Variants in UCHL3 observed in about 807,000 individuals in gnomAD.
The protein encoded by UCHL3 is ubiquitin carboxyl-terminal hydrolase isozyme L3.
A neutral mutation model predicts 35.8 loss-of-function variants in UCHL3; 22 were observed. That is an observed-to-expected ratio of 0.61 (90% CI 0.44 to 0.88). UCHL3 has a LOEUF of 0.88. Among genes scored for constraint, UCHL3 ranks in the 40% least tolerant of loss-of-function variants. The probability of loss-of-function intolerance (pLI) is 0.00; values close to 1 mark genes in which losing one functional copy is unlikely to be tolerated. For synonymous variants in UCHL3, 90 were observed against 92.8 expected (o/e 0.97, Z 0.17); for missense variants, 229 against 276.9 (o/e 0.83, Z 1.23).
chr13:75,590,538 T>A (rs905318710), intron 6 of UCHL3, among the ~76,000 whole-genome samples: 15 of 152,310 alleles, frequency 9.8e-5, no homozygotes, highest in African/African-American at 2.6e-4. Context: ...TATTATTATT[T>A]TTTTATGTTT....
chr13:75,587,182 A>G (rs1287695589), intron 6 of UCHL3, among the ~76,000 whole-genome samples: 1 of 152,038 alleles, frequency 6.6e-6, no homozygotes, highest in African/African-American at 2.4e-5. Flanking sequence ...AAAAGGAAGA[A>G]GTAAAGCAGT....
intron 3 of UCHL3, among the ~76,000 whole-genome samples, chr13:75,563,734 T>C (rs1295817266): frequency 6.6e-6 from 1 of 152,216 alleles, no homozygotes; most frequent in Non-Finnish European, 1.5e-5. Context: ...TCCTTTGACC[T>C]ACATCACATC....
chr13:75,572,168 A>AAT (rs1177739259), intron 6 of UCHL3, among the ~76,000 whole-genome samples: 8 of 151,972 alleles, frequency 5.3e-5, no homozygotes, highest in African/African-American at 7.3e-5. Context: ...TCTTTCTGAA[A>AAT]ATATTCTTTC....
At chr13:75,567,445 T>G in intron 5 of UCHL3, 133 bp downstream of exon 5, 1 of 735,078 alleles carries the variant, frequency 1.4e-6, no homozygotes, top group Non-Finnish European at 2.2e-6. Flanking sequence ...AGAAAAGCCT[T>G]TTGTACTTTT....
intron 2 of UCHL3, among the ~76,000 whole-genome samples, chr13:75,557,751 A>G (rs557402093): frequency 6.6e-6 from 1 of 152,310 alleles, no homozygotes; most frequent in African/African-American, 2.4e-5. Flanking sequence ...TATGTGTATC[A>G]GTTCTATAGA....
At chr13:75,581,685 CTTTG>C (rs1555275469) in intron 6 of UCHL3, among the ~76,000 whole-genome samples, 1 of 127,794 alleles carries the variant, frequency 7.8e-6, no homozygotes, top group Non-Finnish European at 1.8e-5. Context: ...AGACCCTCTG[CTTTG>C]TTTGATTTTT....
At chr13:75,600,353 C>G (rs1323303234) in intron 7 of UCHL3, among the ~76,000 whole-genome samples, 1 of 152,210 alleles carries the variant, frequency 6.6e-6, no homozygotes, top group East Asian at 1.9e-4. Context: ...GAAGAAGATG[C>G]CATCTAGGAC....
At chr13:75,572,193 ACTT>A (rs557369538) in intron 6 of UCHL3, among the ~76,000 whole-genome samples, 3 of 151,900 alleles carry the variant, frequency 2.0e-5, no homozygotes, top group Admixed American at 6.6e-5. Flanking sequence ...AATCTCTTGC[ACTT>A]CTTCTATCCA....
At chr13:75,601,678 C>T (rs924990779) in intron 7 of UCHL3, among the ~76,000 whole-genome samples, 1 of 152,186 alleles carries the variant, frequency 6.6e-6, no homozygotes, top group Non-Finnish European at 1.5e-5. Flanking sequence ...ATTTGTGACT[C>T]ATTTTATTGT....
In UCHL3 at chr13:75,593,471, A is replaced by G. The variant is rs572069534; in HGVS notation, c.475-1444A>G. Among the ~76,000 whole-genome samples the G allele has an allele frequency of 6.6e-5, 10 of 152,358 alleles. 1 individual carries two copies. In the South Asian group the frequency reaches 1.2e-3, roughly 19 times the overall value. Reference sequence around the variant, plus strand: ...GATGATGGAAAATACAAGGAGACATATTTAGCCTCAGTATGAGGGAAAATT... The same window carrying G: ...GATGATGGAAAATACAAGGAGACATGTTTAGCCTCAGTATGAGGGAAAATT... On this transcript the variant is annotated intron_variant, in intron 6 of 8. Coordinates refer to ENST00000377595, the MANE Select transcript of UCHL3 (RefSeq NM_006002.5).
intron 2 of UCHL3, among the ~76,000 whole-genome samples, chr13:75,559,664 T>G (rs1056743557): frequency 6.6e-6 from 1 of 152,228 alleles, no homozygotes; most frequent in Non-Finnish European, 1.5e-5. Context: ...TAAGTACATG[T>G]GATCATTCTT....
At chr13:75,599,180 A>C (rs1371925510) in intron 7 of UCHL3, among the ~76,000 whole-genome samples, 1 of 137,936 alleles carries the variant, frequency 7.2e-6, no homozygotes, top group Non-Finnish European at 1.5e-5. Flanking sequence ...TATGTTGCCC[A>C]GGCTGGTCTT....
chr13:75,550,990 A>C (rs940793748), intron 2 of UCHL3, among the ~76,000 whole-genome samples: 3 of 152,194 alleles, frequency 2.0e-5, no homozygotes, highest in Non-Finnish European at 4.4e-5. Flanking sequence ...ATGTTTTTTA[A>C]ATCAGGCTAA....
At chr13:75,552,479 T>A (rs773414852) in intron 2 of UCHL3, among the ~76,000 whole-genome samples, 1 of 152,224 alleles carries the variant, frequency 6.6e-6, no homozygotes, top group Non-Finnish European at 1.5e-5. Context: ...TAGTGTTGTA[T>A]AAGAATGGCC....
At chr13:75,561,287 T>A (rs61959728) in intron 3 of UCHL3, among the ~76,000 whole-genome samples, 2 of 152,182 alleles carry the variant, frequency 1.3e-5, no homozygotes, top group Non-Finnish European at 2.9e-5. Context: ...ATACAATCTT[T>A]AAGAACAAAT....
intron 6 of UCHL3, among the ~76,000 whole-genome samples, chr13:75,579,401 G>GATTTT (rs911462010): frequency 2.0e-5 from 3 of 151,968 alleles, no homozygotes; most frequent in East Asian, 3.9e-4. Flanking sequence ...TTTTGGAGGC[G>GATTTT]ATTTTATTTT....
At chr13:75,576,250 T>A (rs1005243147) in intron 6 of UCHL3, among the ~76,000 whole-genome samples, 2 of 151,614 alleles carry the variant, frequency 1.3e-5, no homozygotes, top group Admixed American at 1.3e-4. Context: ...ATTTTTCTGA[T>A]GTGAAGTCTC....
At chr13:75,573,179 G>A (rs775332422) in intron 6 of UCHL3, among the ~76,000 whole-genome samples, 4 of 151,204 alleles carry the variant, frequency 2.6e-5, no homozygotes, top group Non-Finnish European at 4.4e-5. Context: ...CGGGAGAATC[G>A]CTTGAACTCG....
At chr13:75,580,195 T>G (rs1457821633) in intron 6 of UCHL3, among the ~76,000 whole-genome samples, 1 of 152,188 alleles carries the variant, frequency 6.6e-6, no homozygotes, top group Non-Finnish European at 1.5e-5. Flanking sequence ...CATATTTAAC[T>G]TGTGACTTCT....
Sources: gnomAD v4.1 joint callset for allele counts (sites outside exome capture counted in the v4.1 genomes callset) on GRCh38, gnomAD v4.1.1 for gene constraint, MANE v1.5 for transcripts, NCBI Gene and HGNC (gene_info 2026-07-23, HGNC 2026-07-21) for gene names.